CCNJL: variants seen among roughly 807,000 people sequenced by gnomAD.
CCNJL encodes the protein cyclin J like.
CCNJL carries 33 observed loss-of-function variants against 33.4 expected under a neutral mutation model. The ratio of observed to expected loss-of-function variants is 0.99; its 90% CI spans 0.75 to 1.32. CCNJL has a LOEUF of 1.32. CCNJL is among the 40% of genes most tolerant of loss of function. The pLI is 0.00. For synonymous variants in CCNJL, 227 were observed against 220.9 expected (o/e 1.03, Z -0.24); for missense variants, 512 against 499.7 (o/e 1.02, Z -0.23).
At chr5:160,318,396 T>C (rs1763403070) in intron 1 of CCNJL, among the ~76,000 whole-genome samples, 1 of 152,226 alleles carries the variant, frequency 6.6e-6, no homozygotes, top group Non-Finnish European at 1.5e-5. Flanking sequence ...ACTAATGACA[T>C]CTGCAATGAA....
chr5:160,279,072 A>G (rs1206389638), intron 3 of CCNJL, among the ~76,000 whole-genome samples: 1 of 152,202 alleles, frequency 6.6e-6, no homozygotes, highest in East Asian at 1.9e-4. Context: ...CCAGCGTGGA[A>G]AACGAGACAG....
chr5:160,256,682 C>T (rs1387865798), intron 4 of CCNJL, among the ~76,000 whole-genome samples: 1 of 152,116 alleles, frequency 6.6e-6, no homozygotes, highest in Non-Finnish European at 1.5e-5. Context: ...CTTTGGGAGG[C>T]CAAGGCAGGT....
At chr5:160,335,749 ATTTTT>A (rs70990725) in intron 1 of CCNJL, among the ~76,000 whole-genome samples, 1 of 140,760 alleles carries the variant, frequency 7.1e-6, no homozygotes, top group Non-Finnish European at 1.5e-5. Flanking sequence ...TTTTTTTGAA[ATTTTT>A]TTTTTTTTTT....
Position 160,253,409 on chromosome 5 carries a change from T to C in CCNJL, c.1133A>G (p.His378Arg). The C allele has an allele frequency of 6.3e-7, 1 of 1,596,554 alleles. No individual in the cohort carries two copies. Among genetic ancestry groups the C allele is most frequent in the Non-Finnish European group, 8.6e-7 (1 of 1,169,236 alleles). Reference sequence around the variant, plus strand: ...GTCAAAGCAGCCGGTGGGGAACATGTGGCTCCCACTGAAGTAGCTGCTTCC... The same window carrying C: ...GTCAAAGCAGCCGGTGGGGAACATGCGGCTCCCACTGAAGTAGCTGCTTCC... ...TYGSSYFSGS[H>R]MFPTGCFDR Residue 378 changes from histidine (H) to arginine (R), a missense_variant, in exon 6 of 6, where the codon CAC (histidine) becomes CGC (arginine). His to Arg is a conservative substitution (Grantham distance 29). Coordinates refer to ENST00000257536, the MANE Select transcript of CCNJL (RefSeq NM_001308173.3).
chr5:160,278,010 C>T (rs1467922744), intron 3 of CCNJL, among the ~76,000 whole-genome samples: 4 of 152,064 alleles, frequency 2.6e-5, no homozygotes, highest in Non-Finnish European at 5.9e-5. Flanking sequence ...CGGGTTCAAG[C>T]GATTCTGCTG....
intron 2 of CCNJL, among the ~76,000 whole-genome samples, chr5:160,303,090 T>C (rs529327995): frequency 1.3e-5 from 2 of 152,318 alleles, no homozygotes; most frequent in South Asian, 4.1e-4. Context: ...AAACAATTGA[T>C]TGTTTCTAAT....
chr5:160,293,708 C>A (rs1322199298), intron 2 of CCNJL, among the ~76,000 whole-genome samples: 2 of 152,162 alleles, frequency 1.3e-5, no homozygotes, highest in Non-Finnish European at 2.9e-5. Flanking sequence ...GAGGTGGAAC[C>A]AGCACTAGCC....
chr5:160,336,454 A>G (rs1763685043), intron 1 of CCNJL, among the ~76,000 whole-genome samples: 1 of 152,216 alleles, frequency 6.6e-6, no homozygotes, highest in Non-Finnish European at 1.5e-5. Context: ...GCTGATGGCC[A>G]CCAGAAGCTG....
chr5:160,281,847 G>T (rs1762226253), intron 2 of CCNJL, among the ~76,000 whole-genome samples: 1 of 152,042 alleles, frequency 6.6e-6, no homozygotes, highest in Non-Finnish European at 1.5e-5. Flanking sequence ...AGAGACAGGG[G>T]TCTCATTGTG....
chr5:160,339,259 T>TTA lies in CCNJL; in HGVS notation n.206+184_206+185dup, dbSNP rs200426284. Among the ~76,000 whole-genome samples, 38 of 111,246 alleles carry TTA rather than the reference T, an allele frequency of 3.4e-4. 1 individual carries two copies. Among genetic ancestry groups the TTA allele is most frequent in the South Asian group, 3.3e-3 (12 of 3,680 alleles). 73.0% of individuals were successfully genotyped at this position (111,246 alleles called of 152,430 possible). ...TAAGAAATGTGCATATATATATAAT[T>TTA]TATATATATATATGTATGGTATAAA... On this transcript the variant is annotated intron_variant and non_coding_transcript_variant, in intron 1 of 7. Transcript: ENST00000377503.
chr5:160,282,966 AATATAT>A lies in CCNJL; in HGVS notation c.67-2234_67-2229del, dbSNP rs70990720. 3.6e-3 allele frequency among the ~76,000 whole-genome samples: 157 copies of A among 43,372 alleles called. 1 individual carries two copies. Among genetic ancestry groups the A allele is most frequent in the African/African-American group, 7.6e-3 (104 of 13,684 alleles). The allele number at this position is 43,372 out of a possible 152,430, so 28.5% of individuals were successfully genotyped here. The stretch of plus-strand genomic sequence containing the variant: ...GTGACCCAGCCATTCCAGTCCTTGG[AATATAT>A]ATATATATATATATATATATATATA... On this transcript the variant is annotated intron_variant, in intron 2 of 5. Coordinates refer to ENST00000257536, the MANE Select transcript of CCNJL (RefSeq NM_001308173.3).
At chr5:160,264,277 T>C (rs979941193) in intron 3 of CCNJL, among the ~76,000 whole-genome samples, 5 of 152,102 alleles carry the variant, frequency 3.3e-5, no homozygotes, top group Non-Finnish European at 7.4e-5. Flanking sequence ...GTGAAGCACT[T>C]CTCTGGCTCT....
At chr5:160,307,069 G>A (rs1168792605) in intron 2 of CCNJL, among the ~76,000 whole-genome samples, 1 of 152,230 alleles carries the variant, frequency 6.6e-6, no homozygotes, top group Non-Finnish European at 1.5e-5. Flanking sequence ...AGATGCCGAA[G>A]ACGAGATGAA....
chr5:160,310,065 C>G (rs1763214098), intron 2 of CCNJL, among the ~76,000 whole-genome samples: 1 of 152,168 alleles, frequency 6.6e-6, no homozygotes, highest in Non-Finnish European at 1.5e-5. Context: ...ATTTATTGCT[C>G]TTAGAAATCC....
At chr5:160,294,574 G>A (rs981072920) in intron 2 of CCNJL, among the ~76,000 whole-genome samples, 3 of 152,172 alleles carry the variant, frequency 2.0e-5, no homozygotes, top group African/African-American at 4.8e-5. Flanking sequence ...ACACACATGC[G>A]TGCACAACCC....
At chr5:160,266,386 G>A (rs1425961604) in intron 3 of CCNJL, among the ~76,000 whole-genome samples, 1 of 152,248 alleles carries the variant, frequency 6.6e-6, no homozygotes, top group Non-Finnish European at 1.5e-5. Flanking sequence ...GAGAAAAGTA[G>A]CCCCAGAAAA....
intron 1 of CCNJL, among the ~76,000 whole-genome samples, chr5:160,329,408 C>A (rs1403936401): frequency 6.7e-6 from 1 of 149,250 alleles, no homozygotes; most frequent in African/African-American, 2.5e-5. Flanking sequence ...TGGAGTGCAG[C>A]GGCATGATCT....
rs1421312924 is a variant in CCNJL at position 160,253,384 on chromosome 5, G to A, written c.1158C>T (p.Asp386=). Residue 386 remains aspartate (D), a synonymous_variant, in exon 6 of 6, where the codon GAC becomes GAT. Coordinates refer to ENST00000257536, the MANE Select transcript of CCNJL (RefSeq NM_001308173.3). ...GSHMFPTGCF[D]R is the part of the protein sequence containing the mutation. ...CGTGAGGTCTGGAGGTGGCCTATCT[G>A]TCAAAGCAGCCGGTGGGGAACATGT... The A allele has an allele frequency of 1.3e-6, 2 of 1,576,104 alleles. No individual in the cohort carries two copies. The highest frequency in any genetic ancestry group is 3.4e-5 in the Admixed American group (2 of 58,218).
At chr5:160,323,234 CAAA>C (rs536222136) in intron 1 of CCNJL, among the ~76,000 whole-genome samples, 5 of 99,042 alleles carry the variant, frequency 5.0e-5, no homozygotes, top group Admixed American at 1.1e-4. Context: ...GACTCCAACT[CAAA>C]AAAAAAAAAA....
Sources: allele counts gnomAD v4.1 joint callset (sites outside exome capture counted in the v4.1 genomes callset), GRCh38; gene constraint gnomAD v4.1.1; transcripts MANE v1.5; gene names NCBI Gene and HGNC (gene_info 2026-07-23, HGNC 2026-07-21).